BLOC1S1: variants seen among roughly 807,000 people sequenced by gnomAD.
The protein encoded by BLOC1S1 is biogenesis of lysosomal organelles complex 1 subunit 1, also known as biogenesis of lysosome-related organelles complex 1 subunit 1.
Under a neutral mutation model 19.0 loss-of-function variants are expected in BLOC1S1, and 11 were observed. The ratio of observed to expected loss-of-function variants is 0.58; its 90% CI spans 0.37 to 0.96. The LOEUF (loss-of-function observed/expected upper bound fraction) is 0.96, where lower values mean the gene tolerates loss of function less well. Ranked by LOEUF, BLOC1S1 falls within the 40% of genes least tolerant of loss-of-function variation. The pLI, the probability that BLOC1S1 is intolerant of heterozygous loss-of-function variation, is 0.01. For missense variants in BLOC1S1, 220 were observed against 195.9 expected (o/e 1.12, Z -0.73); for synonymous variants, 94 against 76.4 (o/e 1.23, Z -1.20).
chr12:55,717,023 A>G lies in BLOC1S1; in HGVS notation c.218+18A>G, dbSNP rs1876608508. Reference sequence around the variant, plus strand: ...AATGTGGGGTATGGACCTCTTATCAACATCAGTTTCCTCCTTCCCCACCCC... The same window carrying G: ...AATGTGGGGTATGGACCTCTTATCAGCATCAGTTTCCTCCTTCCCCACCCC... On this transcript the variant is annotated intron_variant, in intron 2 of 3. Transcript: ENST00000548925. 6.4e-7 allele frequency: 1 copy of G among 1,556,616 alleles called. No homozygotes were observed. Among genetic ancestry groups the G allele is most frequent in the Non-Finnish European group, 8.7e-7 (1 of 1,155,314 alleles).
intron 1 of BLOC1S1, chr12:55,716,510 G>A (rs1302402823): frequency 1.6e-6 from 2 of 1,250,292 alleles, no homozygotes; most frequent in Non-Finnish European, 2.0e-6. Context: ...CGGCGGGAAG[G>A]AGCGACTCTG....
intron 3 of BLOC1S1, 138 bp downstream of exon 3, chr12:55,719,361 G>A (rs887710827): frequency 3.3e-6 from 5 of 1,501,876 alleles, no homozygotes; most frequent in East Asian, 2.3e-5. Context: ...GTCAGAAAAG[G>A]TAGAGAAAGA....
At chr12:55,719,264 C>G in intron 3 of BLOC1S1, 41 bp downstream of exon 3, 1 of 1,613,994 alleles carries the variant, frequency 6.2e-7, no homozygotes, top group Non-Finnish European at 8.5e-7. Flanking sequence ...ATCCTGGGCC[C>G]CCATTGGCTG....
chr12:55,716,752 TCA>T, intron 1 of BLOC1S1, 179 bp from the exon 2 acceptor site: 1 of 1,269,618 alleles, frequency 7.9e-7, no homozygotes, highest in Non-Finnish European at 1.0e-6. Context: ...ACCAGTTTCC[TCA>T]TCTCTAAAAT....
Position 55,719,530 on chromosome 12 carries a change from G to A in BLOC1S1, c.383G>A (p.Ser128Asn), listed in dbSNP as rs769676464. 1 of 1,614,184 alleles carries A rather than the reference G, an allele frequency of 6.2e-7. No individual in the cohort carries two copies. The highest frequency in any genetic ancestry group is 2.2e-5 in the East Asian group (1 of 44,882). Residue 128 changes from serine (S) to asparagine (N), a missense_variant, in exon 4 of 4, where the codon AGC (serine) becomes AAC (asparagine). By Grantham distance (46) the Ser-to-Asn change is conservative. Transcript: ENST00000548925. ...GGGGATGTGGAGAACTGGGCTCGGA[G>A]CATCGAGCTGGACATGCGCACCATT... ...EIGDVENWAR[S>N]IELDMRTIAT...
intron 3 of BLOC1S1, 22 bp from the exon 4 acceptor site, chr12:55,719,477 C>A: frequency 6.2e-7 from 1 of 1,607,676 alleles, no homozygotes; most frequent in Non-Finnish European, 8.5e-7. Flanking sequence ...CCTGGGCTCC[C>A]ACCTCCTCTC....
Position 55,716,158 on chromosome 12 carries a change from A to G in BLOC1S1, c.107A>G (p.Glu36Gly). ...DVTMLSRLLK[E>G]HQAKQNERKE... ...ACCATGCTGTCCCGCCTCCTAAAAGAACACCAGGCCAAGCAGAATGAACGC... is the reference window on the plus strand; with the variant it reads ...ACCATGCTGTCCCGCCTCCTAAAAGGACACCAGGCCAAGCAGAATGAACGC... Residue 36 changes from glutamate to glycine, a missense_variant, in exon 1 of 4, where the codon GAA becomes GGA. Transcript: ENST00000548925. 1 of 1,612,592 alleles carries G rather than the reference A, an allele frequency of 6.2e-7. No individual in the cohort carries two copies. The highest frequency in any genetic ancestry group is 1.1e-5 in the South Asian group (1 of 90,864).
In BLOC1S1 at chr12:55,719,199, G is replaced by A; in HGVS notation, c.327G>A (p.Val109=). ...AGACAGGCCAGTGGATCGGAATGGT[G>A]GAGAACTTCAACCAGGCACTCAAGG... is the stretch of plus-strand genomic sequence containing the variant. ...AKQTGQWIGM[V]ENFNQALKEI... The change falls in exon 3 of 4, where the codon GTG becomes GTA. Residue 109 remains valine (V), a synonymous_variant. Transcript: ENST00000548925. The A allele has an allele frequency of 6.2e-7, 1 of 1,613,906 alleles. No homozygotes were observed. Among genetic ancestry groups the A allele is most frequent in the South Asian group, 1.1e-5 (1 of 91,072 alleles).
rs1265842433 is a variant in BLOC1S1, at chr12:55,719,238, C to T, written c.351+15C>T. On this transcript the variant is annotated intron_variant, in intron 3 of 3. Coordinates refer to ENST00000548925, the MANE Select transcript of BLOC1S1 (RefSeq NM_001487.4). ...AGGCACTCAAGGTGGGCCATACTCC[C>T]TACCTCACCACCCCAATCCTGGGCC... 1.9e-6 allele frequency: 3 copies of T among 1,613,950 alleles called. No homozygotes were observed. Among genetic ancestry groups the T allele is most frequent in the Admixed American group, 3.3e-5 (2 of 59,990 alleles).
Position 55,717,039 on chromosome 12 carries a change from TCCCCA to T in BLOC1S1, c.218+39_218+43del, listed in dbSNP as rs1876611231. 1.1e-5 allele frequency: 17 copies of T among 1,540,002 alleles called. No individual in the cohort carries two copies. The East Asian group carries it at 4.2e-4, about 38-fold the overall frequency. On this transcript the variant is annotated intron_variant, in intron 2 of 3. Coordinates refer to ENST00000548925, the MANE Select transcript of BLOC1S1 (RefSeq NM_001487.4). The stretch of plus-strand genomic sequence containing the variant: ...CTCTTATCAACATCAGTTTCCTCCT[TCCCCA>T]CCCCGCCCAAGTTTAGGCACTGGCC...
rs1360249425 is a variant in BLOC1S1, at chr12:55,716,961, A to G, written c.174A>G (p.Ala58=). 1 of 1,597,106 alleles carries G rather than the reference A, an allele frequency of 6.3e-7. No homozygotes were observed. The highest frequency in any genetic ancestry group is 1.7e-4 in the Middle Eastern group (1 of 6,024). The change falls in exon 2 of 4, where the codon GCA becomes GCG. Residue 58 remains alanine (A), a synonymous_variant. Coordinates refer to ENST00000548925, the MANE Select transcript of BLOC1S1 (RefSeq NM_001487.4). Reference sequence around the variant, plus strand: ...AGAGGAGGCGAGAGGCTATCACTGCAGCGACCTGCCTGACAGAAGCTTTGG... The same window carrying G: ...AGAGGAGGCGAGAGGCTATCACTGCGGCGACCTGCCTGACAGAAGCTTTGG... The part of the protein sequence containing the change: ...QEKRRREAIT[A]ATCLTEALVD...
At chr12:55,719,456 C>T (rs766902696) in intron 3 of BLOC1S1, 43 bp from the exon 4 acceptor site, 5 of 1,567,832 alleles carry the variant, frequency 3.2e-6, no homozygotes, top group Admixed American at 1.7e-5. Context: ...CATACTCTAC[C>T]CATTCTGATT....
intron 2 of BLOC1S1, among the ~76,000 whole-genome samples, chr12:55,717,762 G>T (rs1876682868): frequency 6.6e-6 from 1 of 152,174 alleles, no homozygotes; most frequent in African/African-American, 2.4e-5. Context: ...ACTCATCTTG[G>T]GGGAAGGTTG....
rs1367583436 is a variant in BLOC1S1 at position 55,718,748 on chromosome 12, CCA to C, written c.219-342_219-341del. ...GATGTGTTCCTCCTGCTGGATTTTCCCAGTTTTTCCATGCCCCTTTTTCCCTC... is the reference window on the plus strand; with the variant it reads ...GATGTGTTCCTCCTGCTGGATTTTCCGTTTTTCCATGCCCCTTTTTCCCTC... On this transcript the variant is annotated intron_variant, in intron 2 of 3. Transcript: ENST00000548925. Among the ~76,000 whole-genome samples the C allele has an allele frequency of 7.9e-5, 12 of 152,038 alleles. No homozygotes were observed. In the East Asian group the frequency reaches 2.3e-3, roughly 29 times the overall value.
chr12:55,717,380 C>G (rs1402595823), intron 2 of BLOC1S1, among the ~76,000 whole-genome samples: 1 of 152,214 alleles, frequency 6.6e-6, no homozygotes, highest in Non-Finnish European at 1.5e-5. Context: ...GCCTCCCACC[C>G]TCTGGCAAGC....
chr12:55,719,061 G>A (rs1238102181), intron 2 of BLOC1S1, 30 bp from the exon 3 acceptor site: 2 of 1,609,356 alleles, frequency 1.2e-6, no homozygotes, highest in East Asian at 2.2e-5. Context: ...ACTAGCTGGA[G>A]CTGATCTCCT....
In BLOC1S1 at chr12:55,716,455, C is replaced by T. The variant is rs552686044; in HGVS notation, c.145+259C>T. 2.9e-5 allele frequency: 39 copies of T among 1,336,286 alleles called. No homozygotes were observed. In the South Asian group the frequency reaches 5.7e-4, roughly 19 times the overall value. 82.8% of individuals were successfully genotyped at this position (1,336,286 alleles called of 1,614,324 possible). A position where few individuals can be genotyped will look rare whatever the true frequency, so the allele number is the denominator to read the frequency against. On this transcript the variant is annotated intron_variant, in intron 1 of 3. Transcript: ENST00000548925. ...CTGCCGCACCTTAGCCCCGCCCCTG[C>T]CCCGGAGCGCCCTGCCTATTGGCCC... is the stretch of plus-strand genomic sequence containing the variant.
intron 1 of BLOC1S1, chr12:55,716,493 G>C (rs1443768985): frequency 1.6e-6 from 2 of 1,275,398 alleles, no homozygotes; most frequent in South Asian, 3.7e-5. Context: ...GGAGCCTCTC[G>C]TCCTGGCGGC....
Position 55,716,101 on chromosome 12 carries a change from G to A in BLOC1S1, c.50G>A (p.Gly17Glu), listed in dbSNP as rs371945460. The A allele has an allele frequency of 2.5e-6, 4 of 1,598,124 alleles. No homozygotes were observed. Among genetic ancestry groups the A allele is most frequent in the African/African-American group, 2.7e-5 (2 of 74,500 alleles). ...CGTTCCAGCTTCCGGAGCCGGAGGGGGCCCGGCGTACCCAGCCCCCAGCCC... is the reference window on the plus strand; with the variant it reads ...CGTTCCAGCTTCCGGAGCCGGAGGGAGCCCGGCGTACCCAGCCCCCAGCCC... ...GERSSFRSRR[G>E]PGVPSPQPDV... Residue 17 changes from glycine to glutamate, a missense_variant, in exon 1 of 4, where the codon GGG becomes GAG. Physicochemically the swap from Gly to Glu is moderately conservative, Grantham distance 98. Transcript: ENST00000548925.
Sources: gnomAD v4.1 joint callset for allele counts (sites outside exome capture counted in the v4.1 genomes callset) on GRCh38, gnomAD v4.1.1 for gene constraint, MANE v1.5 for transcripts, NCBI Gene and HGNC (gene_info 2026-07-23, HGNC 2026-07-21) for gene names.